Variants in PVT1 observed in about 807,000 individuals in gnomAD.
The protein encoded by PVT1 is Pvt1 oncogene, also known as CXCR4/PVT1 fusion.
At chr8:127,798,295 ACT>A (rs1814420891) in intron 2 of PVT1, among the ~76,000 whole-genome samples, 1 of 150,700 alleles carries the variant, frequency 6.6e-6, no homozygotes, top group Non-Finnish European at 1.5e-5. Flanking sequence ...CAAGAGCAAA[ACT>A]CAGTCTCAAA....
chr8:128,074,789 G>A (rs987622824), intron 5 of PVT1, among the ~76,000 whole-genome samples: 2 of 152,194 alleles, frequency 1.3e-5, no homozygotes, highest in Non-Finnish European at 2.9e-5. Context: ...CAAATCAAAT[G>A]CTTGAGATTT....
At chr8:127,881,435 ATATTATTATTAT>A (rs79735415) in intron 2 of PVT1, among the ~76,000 whole-genome samples, 1 of 100,838 alleles carries the variant, frequency 9.9e-6, no homozygotes, top group Non-Finnish European at 1.8e-5. Flanking sequence ...TATTGTTATT[ATATTATTATTAT>A]TATTATTATT....
intron 2 of PVT1, among the ~76,000 whole-genome samples, chr8:127,827,760 A>T (rs1814806999): frequency 6.6e-6 from 1 of 151,984 alleles, no homozygotes; most frequent in African/African-American, 2.4e-5. Flanking sequence ...ATGAGTCTTG[A>T]GTTGAGTTCT....
At chr8:127,892,534 T>C (rs1029418898) in intron 3 of PVT1, among the ~76,000 whole-genome samples, 3 of 152,204 alleles carry the variant, frequency 2.0e-5, no homozygotes, top group Admixed American at 6.5e-5. Flanking sequence ...GTTTATCCAT[T>C]ATACAGTTGA....
intron 3 of PVT1, among the ~76,000 whole-genome samples, chr8:127,905,861 T>C (rs1207172151): frequency 6.6e-6 from 1 of 152,238 alleles, no homozygotes; most frequent in African/African-American, 2.4e-5. Context: ...CTGGCTGGCC[T>C]GGATTGAATC....
chr8:127,832,715 G>A (rs543570639), intron 2 of PVT1, among the ~76,000 whole-genome samples: 293 of 152,194 alleles, frequency 1.9e-3, no homozygotes, highest in African/African-American at 5.5e-3. Context: ...AAAATTAGCC[G>A]GGCGTGGTGG....
intron 4 of PVT1, among the ~76,000 whole-genome samples, chr8:128,011,875 C>T (rs184257131): frequency 2.4e-4 from 37 of 152,238 alleles, no homozygotes; most frequent in Non-Finnish European, 1.2e-4. Context: ...AGAGAATGCT[C>T]TGTCTCTGAC....
At chr8:127,816,964 T>G (rs1057334820) in intron 2 of PVT1, among the ~76,000 whole-genome samples, 1 of 152,208 alleles carries the variant, frequency 6.6e-6, no homozygotes, top group African/African-American at 2.4e-5. Flanking sequence ...TGACCACAGT[T>G]GATTGATCTG....
intron 3 of PVT1, among the ~76,000 whole-genome samples, chr8:127,942,741 T>C (rs1042260467): frequency 3.3e-5 from 5 of 152,226 alleles, no homozygotes; most frequent in African/African-American, 1.2e-4. Flanking sequence ...CCTCCAGCTT[T>C]ATTTTCTTTC....
intron 2 of PVT1, among the ~76,000 whole-genome samples, chr8:127,889,806 C>G (rs1379681043): frequency 6.6e-6 from 1 of 152,112 alleles, no homozygotes; most frequent in Non-Finnish European, 1.5e-5. Flanking sequence ...TTTGAGAGAT[C>G]ATATCAGATG....
rs10637867 is a variant in PVT1, at chr8:127,883,062, TCACA to T, written n.373-7506_373-7503del. Among the ~76,000 whole-genome samples, 89 of 147,972 alleles carry T rather than the reference TCACA, an allele frequency of 6.0e-4. 1 individual carries two copies. Among genetic ancestry groups the T allele is most frequent in the South Asian group, 3.9e-3 (18 of 4,582 alleles). Reference sequence around the variant, plus strand: ...GCACGCACACATGCATGCACACACATCACACACACACACACACACACACAGACAC... The same window carrying T: ...GCACGCACACATGCATGCACACACATCACACACACACACACACACAGACAC... On this transcript the variant is annotated intron_variant and non_coding_transcript_variant, in intron 2 of 10. Coordinates refer to ENST00000651587, the Ensembl canonical transcript of PVT1.
At chr8:127,876,452 A>G (rs993429657) in intron 2 of PVT1, among the ~76,000 whole-genome samples, 2 of 148,242 alleles carry the variant, frequency 1.3e-5, no homozygotes, top group Non-Finnish European at 2.9e-5. Context: ...TTTTATTAGT[A>G]TTATTATATC....
At chr8:127,838,627 C>A (rs1814934939) in intron 2 of PVT1, among the ~76,000 whole-genome samples, 1 of 152,182 alleles carries the variant, frequency 6.6e-6, no homozygotes, top group Non-Finnish European at 1.5e-5. Flanking sequence ...ATCACTTGAA[C>A]TCGGGAGGTG....
intron 3 of PVT1, among the ~76,000 whole-genome samples, chr8:127,899,291 T>C (rs1165993804): frequency 6.6e-6 from 1 of 152,218 alleles, no homozygotes; most frequent in Non-Finnish European, 1.5e-5. Context: ...AAGCCTGTTA[T>C]TGTGAAAGTG....
chr8:128,053,121 T>A (rs990624002), intron 4 of PVT1, among the ~76,000 whole-genome samples: 1 of 152,176 alleles, frequency 6.6e-6, no homozygotes, highest in Non-Finnish European at 1.5e-5. Flanking sequence ...AACAGCATAG[T>A]AAAGAGGAGG....
rs191066647 is a variant in PVT1 at position 127,864,770 on chromosome 8, G to A, written n.373-25819G>A. 1.1e-4 allele frequency among the ~76,000 whole-genome samples: 16 copies of A among 152,184 alleles called. No individual in the cohort carries two copies. In the East Asian group the frequency reaches 1.6e-3, roughly 15 times the overall value. ...TCACCATGTTAGCCAGGATGGTCTC[G>A]ATCTCCTGACCTCGTGATCCGCCCG... On this transcript the variant is annotated intron_variant and non_coding_transcript_variant, in intron 2 of 10. Transcript: ENST00000651587.
chr8:128,021,554 A>T (rs1267513270), intron 4 of PVT1, among the ~76,000 whole-genome samples: 1 of 151,876 alleles, frequency 6.6e-6, no homozygotes, highest in African/African-American at 2.4e-5. Context: ...CGGCCTCCCA[A>T]AGTGCTGGGA....
chr8:127,846,006 A>T (rs1010113624), intron 2 of PVT1, among the ~76,000 whole-genome samples: 1 of 152,216 alleles, frequency 6.6e-6, no homozygotes, highest in African/African-American at 2.4e-5. Context: ...TGGCCCTGTC[A>T]GCCCTGAGCT....
intron 3 of PVT1, among the ~76,000 whole-genome samples, chr8:127,906,433 C>T (rs1815820421): frequency 6.6e-6 from 1 of 152,176 alleles, no homozygotes; most frequent in Admixed American, 6.5e-5. Flanking sequence ...CAGCATTTTA[C>T]ATCTTCCTGA....
Sources: gnomAD v4.1 joint callset for allele counts (sites outside exome capture counted in the v4.1 genomes callset) on GRCh38, gnomAD v4.1.1 for gene constraint, MANE v1.5 for transcripts, NCBI Gene and HGNC (gene_info 2026-07-23, HGNC 2026-07-21) for gene names.